NDUFB7: variants seen among roughly 807,000 people sequenced by gnomAD.
NDUFB7 encodes NADH:ubiquinone oxidoreductase subunit B7.
Under a neutral mutation model 14.7 loss-of-function variants are expected in NDUFB7, and 18 were observed. The observed-to-expected ratio is 1.22, with a 90% CI of 0.85 to 1.81. The LOEUF (loss-of-function observed/expected upper bound fraction) is 1.81. NDUFB7 is among the 40% of genes most tolerant of loss of function. The pLI is 0.00. For synonymous variants in NDUFB7, 86 were observed against 76.1 expected (o/e 1.13, Z -0.68); for missense variants, 219 against 195.0 (o/e 1.12, Z -0.73).
At chr19:14,566,308 G>A in intron 2 of NDUFB7, 43 bp from the exon 3 acceptor site, 1 of 1,611,836 alleles carries the variant, frequency 6.2e-7, no homozygotes, top group Non-Finnish European at 8.5e-7. Context: ...TCCCTGGCCA[G>A]GACACGCCCC....
chr19:14,568,263 T>G (rs1320737796), intron 1 of NDUFB7, among the ~76,000 whole-genome samples: 4 of 152,234 alleles, frequency 2.6e-5, no homozygotes, highest in Non-Finnish European at 5.9e-5. Context: ...CAGGCTGGTC[T>G]TGAACTCCTG....
chr19:14,568,723 A>T (rs2074107791), intron 1 of NDUFB7, among the ~76,000 whole-genome samples: 1 of 152,150 alleles, frequency 6.6e-6, no homozygotes, highest in South Asian at 2.1e-4. Context: ...CATGTCCAGA[A>T]AAAAATAAAA....
rs143205991 is a variant in NDUFB7 at position 14,569,194 on chromosome 19, G to A, written c.113-2261C>T. Among the ~76,000 whole-genome samples, 9 of 152,200 alleles carry A rather than the reference G, an allele frequency of 5.9e-5. No individual in the cohort carries two copies. In the East Asian group the frequency reaches 1.7e-3, roughly 29 times the overall value. On this transcript the variant is annotated intron_variant, in intron 1 of 2. Coordinates refer to ENST00000215565, the MANE Select transcript of NDUFB7 (RefSeq NM_004146.6). The stretch of plus-strand genomic sequence containing the variant: ...GGGACAGTGATCTAGGAGGGAGGGA[G>A]AGAGTGAAGGATCCGGGAGGTAAGA...
At chr19:14,566,712 G>T (rs1384980239) in intron 2 of NDUFB7, 53 bp downstream of exon 2, 4 of 1,486,146 alleles carry the variant, frequency 2.7e-6, no homozygotes, top group Non-Finnish European at 3.6e-6. Flanking sequence ...GGAAGGCTGG[G>T]GGTATGGGGT....
Position 14,567,075 on chromosome 19 carries a change from G to T in NDUFB7, c.113-142C>A, listed in dbSNP as rs2074095447. 9 of 830,612 alleles carry T rather than the reference G, an allele frequency of 1.1e-5. No individual in the cohort carries two copies. The Admixed American group carries it at 2.5e-4, about 23-fold the overall frequency. 51.5% of individuals were successfully genotyped at this position (830,612 alleles called of 1,614,324 possible). A position where few individuals can be genotyped will look rare whatever the true frequency, so the allele number is the denominator to read the frequency against. On this transcript the variant is annotated intron_variant, in intron 1 of 2. Coordinates refer to ENST00000215565, the MANE Select transcript of NDUFB7 (RefSeq NM_004146.6). This position sits in a 1 kb window ranked among gnomAD's most constrained non-coding sequence, Gnocchi z 5.1. The stretch of plus-strand genomic sequence containing the variant: ...CACATCCAGATGGCAGTGGATGGCA[G>T]ATGCCTTTGACGGATGCACTGTCCT...
chr19:14,568,013 A>G (rs2074103737), intron 1 of NDUFB7, among the ~76,000 whole-genome samples: 1 of 151,686 alleles, frequency 6.6e-6, no homozygotes, highest in South Asian at 2.1e-4. Flanking sequence ...TCCCATCTCT[A>G]TGGCTGCCTT....
chr19:14,568,766 C>T (rs1293559650), intron 1 of NDUFB7, among the ~76,000 whole-genome samples: 1 of 152,150 alleles, frequency 6.6e-6, no homozygotes, highest in Non-Finnish European at 1.5e-5. Flanking sequence ...ACGGAGTATC[C>T]AGAGCTACTC....
Position 14,567,206 on chromosome 19 carries a change from C to T in NDUFB7, c.113-273G>A, listed in dbSNP as rs1159835157. On this transcript the variant is annotated intron_variant, in intron 1 of 2. Coordinates refer to ENST00000215565, the MANE Select transcript of NDUFB7 (RefSeq NM_004146.6). This position sits in a 1 kb window ranked among gnomAD's most constrained non-coding sequence, Gnocchi z 5.1. ...CCTGAGGCACCTCAACATCCCGTGC[C>T]GGATCCTTGCCTCCCCTCCCACAGG... 6.6e-6 allele frequency among the ~76,000 whole-genome samples: 1 copy of T among 152,090 alleles called. No homozygotes were observed. The highest frequency in any genetic ancestry group is 1.5e-5 in the Non-Finnish European group (1 of 68,002).
In NDUFB7 at chr19:14,566,087, C is replaced by G; in HGVS notation, c.*46G>C. ...TAAGAGGGGACTCTGGTTGAGGGGC[C>G]TGAAGGCTTTTATTTGACTGGTCCA... On this transcript the variant is annotated 3_prime_UTR_variant, in exon 3 of 3. Coordinates refer to ENST00000215565, the MANE Select transcript of NDUFB7 (RefSeq NM_004146.6). 3 of 1,578,860 alleles carry G rather than the reference C, an allele frequency of 1.9e-6. No individual in the cohort carries two copies. The highest frequency in any genetic ancestry group is 2.3e-5 in the East Asian group (1 of 43,154).
chr19:14,570,478 G>C (rs956482081), intron 1 of NDUFB7, among the ~76,000 whole-genome samples: 1 of 152,018 alleles, frequency 6.6e-6, no homozygotes, highest in African/African-American at 2.4e-5. Flanking sequence ...GGGATTATGG[G>C]TGTGAGACAC....
chr19:14,571,832 G>A lies in NDUFB7; in HGVS notation c.112+57C>T, dbSNP rs1042942827. On this transcript the variant is annotated intron_variant, in intron 1 of 2. Transcript: ENST00000215565. ...CTGGGGTGCCAGCCCTGGGGTGCCA[G>A]GTGTTCAGGCACCCGCGCCCCACGC... is the stretch of plus-strand genomic sequence containing the variant. 8 of 1,517,106 alleles carry A rather than the reference G, an allele frequency of 5.3e-6. No individual in the cohort carries two copies. The East Asian group carries it at 1.4e-4, about 27-fold the overall frequency. 94.0% of individuals were successfully genotyped at this position (1,517,106 alleles called of 1,614,324 possible).
Position 14,566,945 on chromosome 19 carries a change from G to A in NDUFB7, c.113-12C>T, listed in dbSNP as rs746964894. 5 of 1,569,972 alleles carry A rather than the reference G, an allele frequency of 3.2e-6. No homozygotes were observed. The South Asian group carries it at 5.7e-5, about 18-fold the overall frequency. On this transcript the variant is annotated splice_polypyrimidine_tract_variant and intron_variant, in intron 1 of 2. Coordinates refer to ENST00000215565, the MANE Select transcript of NDUFB7 (RefSeq NM_004146.6). ...TGTGGCCACCATCTCTGCAGGGAGT[G>A]GGCGGGGCTCAACCAGGCTGGAGGC...
In NDUFB7 at chr19:14,571,905, G is replaced by A. The variant is rs769924183; in HGVS notation, c.96C>T (p.Pro32=). The A allele has an allele frequency of 1.9e-6, 3 of 1,610,712 alleles. No individual in the cohort carries two copies. Among genetic ancestry groups the A allele is most frequent in the East Asian group, 2.2e-5 (1 of 44,782 alleles). ...GGGCCTCACCGCGCTCCTTGCGTTC[G>A]GGGAAGCCGTAGTCTGGCGGGAAGG... is the stretch of plus-strand genomic sequence containing the variant. The part of the protein sequence containing the change: ...MPTFPPDYGF[P]ERKEREMVAT... The change falls in exon 1 of 3, where the codon CCC becomes CCT. Residue 32 remains proline (P), a synonymous_variant. Transcript: ENST00000215565.
chr19:14,566,280 C>T lies in NDUFB7; in HGVS notation c.282-15G>A, dbSNP rs199766454. ...GCATCACATAGCTGGGGGAAAAGCA[C>T]GAGAGGGGCTGTCAGGGTCCCTGGC... is the stretch of plus-strand genomic sequence containing the variant. On this transcript the variant is annotated splice_polypyrimidine_tract_variant and intron_variant, in intron 2 of 2. Coordinates refer to ENST00000215565, the MANE Select transcript of NDUFB7 (RefSeq NM_004146.6). The T allele has an allele frequency of 2.3e-5, 37 of 1,613,664 alleles. No individual in the cohort carries two copies. The African/African-American group carries it at 3.5e-4, about 15-fold the overall frequency.
intron 1 of NDUFB7, among the ~76,000 whole-genome samples, chr19:14,568,857 C>G (rs901304111): frequency 6.6e-6 from 1 of 152,016 alleles, no homozygotes; most frequent in Non-Finnish European, 1.5e-5. Flanking sequence ...AGCAACAGAG[C>G]GAGAGCCCAT....
chr19:14,570,439 A>T (rs1023151100), intron 1 of NDUFB7, among the ~76,000 whole-genome samples: 1 of 151,994 alleles, frequency 6.6e-6, no homozygotes, highest in Admixed American at 6.6e-5. Flanking sequence ...TGACCTCGTG[A>T]TCTGCCCGCC....
chr19:14,567,026 G>A lies in NDUFB7; in HGVS notation c.113-93C>T. The A allele has an allele frequency of 7.5e-7, 1 of 1,332,566 alleles. No homozygotes were observed. The highest frequency in any genetic ancestry group is 1.0e-6 in the Non-Finnish European group (1 of 983,694). 82.5% of individuals were successfully genotyped at this position (1,332,566 alleles called of 1,614,324 possible). A position where few individuals can be genotyped will look rare whatever the true frequency, so the allele number is the denominator to read the frequency against. On this transcript the variant is annotated intron_variant, in intron 1 of 2. Coordinates refer to ENST00000215565, the MANE Select transcript of NDUFB7 (RefSeq NM_004146.6). This position sits in a 1 kb window ranked among gnomAD's most constrained non-coding sequence, Gnocchi z 5.1. The stretch of plus-strand genomic sequence containing the variant: ...GACCGAGGCACACGGCTTCAGGAAG[G>A]CACGGCTTGGGGTGTCCCCCATTCA...
chr19:14,571,815 C>T, intron 1 of NDUFB7, 74 bp downstream of exon 1: 1 of 1,410,670 alleles, frequency 7.1e-7, no homozygotes. Context: ...CCCTGGGGTG[C>T]CAGCCCTGGG....
chr19:14,571,617 C>T (rs960235236), intron 1 of NDUFB7, among the ~76,000 whole-genome samples: 9 of 151,000 alleles, frequency 6.0e-5, no homozygotes, highest in Admixed American at 2.6e-4. Flanking sequence ...AAAAAAAAGA[C>T]TCGACCCAGC....
Sources: allele counts gnomAD v4.1 joint callset (sites outside exome capture counted in the v4.1 genomes callset), GRCh38; gene constraint gnomAD v4.1.1; non-coding constraint Gnocchi (gnomAD v3.1); transcripts MANE v1.5; gene names NCBI Gene and HGNC (gene_info 2026-07-23, HGNC 2026-07-21).